The following CHN1 variants were observed in gnomAD, a reference collection of about 807,000 sequenced individuals.
The protein encoded by CHN1 is chimerin 1.
CHN1 carries 37 observed loss-of-function variants against 59.5 expected under a neutral mutation model. That is an observed-to-expected ratio of 0.62 (90% CI 0.48 to 0.82). CHN1 has a LOEUF of 0.82. Ranked by LOEUF, CHN1 falls within the 40% of genes least tolerant of loss-of-function variation. CHN1 has a pLI of 0.00. For missense variants in CHN1, 469 were observed against 571.0 expected (o/e 0.82, Z 1.82); for synonymous variants, 206 against 200.4 (o/e 1.03, Z -0.24).
chr2:174,995,256 A>G (rs1350947731), intron 1 of CHN1, among the ~76,000 whole-genome samples: 1 of 152,232 alleles, frequency 6.6e-6, no homozygotes, highest in Non-Finnish European at 1.5e-5. Context: ...CATGGTTTCA[A>G]TTACGCACAG....
intron 10 of CHN1, among the ~76,000 whole-genome samples, chr2:174,809,503 G>A (rs545866074): frequency 6.6e-6 from 1 of 152,290 alleles, no homozygotes; most frequent in East Asian, 1.9e-4. Flanking sequence ...ACCAATCAAT[G>A]GAAAATAGAT....
intron 1 of CHN1, among the ~76,000 whole-genome samples, chr2:174,979,654 G>A (rs1302131876): frequency 2.0e-5 from 3 of 151,934 alleles, no homozygotes; most frequent in African/African-American, 4.8e-5. Context: ...CTCTACTGGC[G>A]GGTGGATCAT....
chr2:174,896,641 A>T (rs1168154430), intron 5 of CHN1, among the ~76,000 whole-genome samples: 1 of 152,158 alleles, frequency 6.6e-6, no homozygotes, highest in Non-Finnish European at 1.5e-5. Context: ...TTAGAAAGAC[A>T]CACAGACAGC....
chr2:174,928,487 T>C (rs1433446955), intron 3 of CHN1, among the ~76,000 whole-genome samples: 1 of 152,122 alleles, frequency 6.6e-6, no homozygotes, highest in Non-Finnish European at 1.5e-5. Context: ...AATGAGGGGA[T>C]CAGGCAGATG....
At chr2:174,822,023 T>C (rs1226835253) in intron 8 of CHN1, among the ~76,000 whole-genome samples, 1 of 152,186 alleles carries the variant, frequency 6.6e-6, no homozygotes, top group East Asian at 1.9e-4. Flanking sequence ...TGCGTTTGGA[T>C]TTAGATAGTC....
At chr2:174,843,823 G>A (rs1415682187) in intron 7 of CHN1, among the ~76,000 whole-genome samples, 1 of 152,086 alleles carries the variant, frequency 6.6e-6, no homozygotes, top group African/African-American at 2.4e-5. Flanking sequence ...ACCCAAGGTG[G>A]TGCATATAAT....
intron 6 of CHN1, among the ~76,000 whole-genome samples, chr2:174,874,872 C>CTT (rs11406785): frequency 0.024 from 2,919 of 122,642 alleles, 140 homozygotes; most frequent in South Asian, 0.055. Context: ...TTTATTTATT[C>CTT]TTTTTTTTTT....
intron 3 of CHN1, among the ~76,000 whole-genome samples, chr2:174,924,027 AG>A (rs1437419960): frequency 6.6e-6 from 1 of 152,186 alleles, no homozygotes; most frequent in Non-Finnish European, 1.5e-5. Flanking sequence ...TAGATAGTAA[AG>A]GGGATCACAA....
chr2:174,853,153 G>A (rs1157558289), intron 6 of CHN1, among the ~76,000 whole-genome samples: 1 of 152,124 alleles, frequency 6.6e-6, no homozygotes, highest in Non-Finnish European at 1.5e-5. Context: ...AGAGTAAGCA[G>A]ACAATTTACA....
At chr2:174,901,740 G>A (rs1447741357) in intron 5 of CHN1, among the ~76,000 whole-genome samples, 2 of 152,026 alleles carry the variant, frequency 1.3e-5, no homozygotes, top group Non-Finnish European at 2.9e-5. Context: ...TGTCTTTGAG[G>A]GCCATGAGAT....
At chr2:174,819,762 T>C (rs113521734) in intron 8 of CHN1, among the ~76,000 whole-genome samples, 10,932 of 150,090 alleles carry the variant, frequency 0.073, 1,295 homozygotes, top group African/African-American at 0.26. Context: ...GTGCTGCACC[T>C]ATTAACTCGT....
chr2:174,918,868 CA>C (rs146953083), intron 3 of CHN1, among the ~76,000 whole-genome samples: 6,290 of 152,190 alleles, frequency 0.041, 452 homozygotes, highest in African/African-American at 0.14. Flanking sequence ...TACAACACCC[CA>C]AAACATATAG....
chr2:174,955,129 TATA>T (rs1690153543), intron 1 of CHN1, among the ~76,000 whole-genome samples: 1 of 146,062 alleles, frequency 6.8e-6, no homozygotes, highest in Non-Finnish European at 1.5e-5. Flanking sequence ...ATAGATCTAA[TATA>T]GATCTATATA....
intron 3 of CHN1, among the ~76,000 whole-genome samples, chr2:174,931,100 G>GCACT (rs560138444): frequency 2.0e-3 from 295 of 149,980 alleles, no homozygotes; most frequent in Middle Eastern, 6.8e-3. Context: ...GCAAAAGATA[G>GCACT]CACTAAAAGA....
intron 5 of CHN1, among the ~76,000 whole-genome samples, chr2:174,904,336 T>C (rs901516854): frequency 1.2e-4 from 18 of 152,208 alleles, no homozygotes. Context: ...GTCATACCTC[T>C]TGTCAACTTA....
At chr2:174,995,908 C>T (rs540526011) in intron 1 of CHN1, among the ~76,000 whole-genome samples, 1 of 152,110 alleles carries the variant, frequency 6.6e-6, no homozygotes, top group East Asian at 1.9e-4. Flanking sequence ...TAACAGTGGC[C>T]CCAAAGTACA....
chr2:174,846,646 T>C (rs752380063), intron 7 of CHN1, among the ~76,000 whole-genome samples: 28 of 152,180 alleles, frequency 1.8e-4, no homozygotes, highest in Non-Finnish European at 3.1e-4. Context: ...TACCAGTGAG[T>C]ACACATTGAT....
At chr2:174,832,126 A>G (rs1685900935) in intron 7 of CHN1, among the ~76,000 whole-genome samples, 1 of 152,088 alleles carries the variant, frequency 6.6e-6, no homozygotes, top group Non-Finnish European at 1.5e-5. Flanking sequence ...TTGGTTATAA[A>G]AGTGTCATCT....
At chr2:174,979,907 A>G (rs1182937479) in intron 1 of CHN1, among the ~76,000 whole-genome samples, 1 of 152,086 alleles carries the variant, frequency 6.6e-6, no homozygotes, top group Non-Finnish European at 1.5e-5. Context: ...AAACAAAACA[A>G]AAAGATGTAC....
Sources: allele counts gnomAD v4.1 joint callset (sites outside exome capture counted in the v4.1 genomes callset), GRCh38; gene constraint gnomAD v4.1.1; transcripts MANE v1.5; gene names NCBI Gene and HGNC (gene_info 2026-07-23, HGNC 2026-07-21).